Variants in ZNRF3 observed in about 807,000 individuals in gnomAD.
The protein encoded by ZNRF3 is E3 ubiquitin-protein ligase ZNRF3.
A neutral mutation model predicts 72.5 loss-of-function variants in ZNRF3; 23 were observed. The ratio of observed to expected loss-of-function variants is 0.32; its 90% CI spans 0.23 to 0.45. The LOEUF is 0.45. ZNRF3 is among the 20% of genes least tolerant of loss of function. The pLI is 1.00. For missense variants in ZNRF3, 1,169 were observed against 1,272.1 expected (o/e 0.92, Z 1.23); for synonymous variants, 610 against 545.3 (o/e 1.12, Z -1.65).
chr22:28,894,353 T>TG (rs397798611), intron 1 of ZNRF3, among the ~76,000 whole-genome samples: 2 of 151,574 alleles, frequency 1.3e-5, no homozygotes, highest in African/African-American at 4.9e-5. Context: ...TTTTTTTTTT[T>TG]GTCTGCCATA....
At chr22:29,000,126 G>C (rs952535971) in intron 2 of ZNRF3, among the ~76,000 whole-genome samples, 1 of 152,040 alleles carries the variant, frequency 6.6e-6, no homozygotes, top group African/African-American at 2.4e-5. Context: ...AATTCCTTTG[G>C]GGGTACTGAA....
At position 29,049,346 on chromosome 22, in the gene ZNRF3, T is replaced by C; in HGVS notation, c.1165T>C (p.Ser389Pro). The C allele has an allele frequency of 6.2e-7, 1 of 1,613,640 alleles. No individual in the cohort carries two copies. The highest frequency in any genetic ancestry group is 1.3e-5 in the African/African-American group (1 of 74,980). Reference protein sequence around the residue: ...PAYPTRTSMDSHGNPVTLLTM... With the variant: ...PAYPTRTSMDPHGNPVTLLTM... The stretch of plus-strand genomic sequence containing the variant: ...CTACCCTACGAGGACAAGCATGGAC[T>C]CCCACGGCAACCCCGTCACCTTGCT... The change falls in exon 8 of 9, where the codon TCC (serine) becomes CCC (proline). Residue 389 changes from serine (S) to proline (P), a missense_variant. This residue lies in a region of ZNRF3 where 386 missense variants were observed against 540.7 expected (regional missense o/e 0.71). Transcript: ENST00000544604. The surrounding 1 kb of genome is among the most constrained non-coding windows in gnomAD (Gnocchi z 5.2).
chr22:28,985,796 T>C (rs1354717821), intron 1 of ZNRF3, among the ~76,000 whole-genome samples: 4 of 152,222 alleles, frequency 2.6e-5, no homozygotes, highest in Admixed American at 1.3e-4. Context: ...CTGTAACAAG[T>C]TTCTACAAAC....
chr22:28,967,734 C>T (rs1441304571), intron 1 of ZNRF3, among the ~76,000 whole-genome samples: 1 of 151,644 alleles, frequency 6.6e-6, no homozygotes, highest in Non-Finnish European at 1.5e-5. Context: ...CAAGACCAGC[C>T]TAGACAACAT....
intron 2 of ZNRF3, among the ~76,000 whole-genome samples, chr22:29,019,140 C>T (rs1426224689): frequency 6.6e-6 from 1 of 151,990 alleles, no homozygotes; most frequent in Non-Finnish European, 1.5e-5. Flanking sequence ...CATGAACACC[C>T]ATGAACTATT....
At chr22:29,007,212 G>A (rs536322134) in intron 2 of ZNRF3, among the ~76,000 whole-genome samples, 163 of 152,182 alleles carry the variant, frequency 1.1e-3, no homozygotes, top group Non-Finnish European at 1.5e-3. Context: ...TCTTCACAGG[G>A]GTACCTACCA....
intron 1 of ZNRF3, among the ~76,000 whole-genome samples, chr22:28,910,863 G>C (rs2034304082): frequency 6.6e-6 from 1 of 152,200 alleles, no homozygotes. Context: ...TATGGGGAAG[G>C]CATTTCTTGC....
intron 2 of ZNRF3, among the ~76,000 whole-genome samples, chr22:29,020,006 C>T (rs1244764754): frequency 6.6e-6 from 1 of 151,562 alleles, no homozygotes; most frequent in Non-Finnish European, 1.5e-5. Context: ...GGTTGCAAGA[C>T]CTCCCCCCCA....
chr22:28,954,421 T>C (rs2035219404), intron 1 of ZNRF3, among the ~76,000 whole-genome samples: 1 of 152,140 alleles, frequency 6.6e-6, no homozygotes, highest in South Asian at 2.1e-4. Flanking sequence ...CAGGACCTTA[T>C]CTAATCTTAA....
intron 2 of ZNRF3, among the ~76,000 whole-genome samples, chr22:29,036,287 A>G (rs756603079): frequency 6.6e-6 from 1 of 152,236 alleles, no homozygotes; most frequent in Non-Finnish European, 1.5e-5. Flanking sequence ...ACCCTAAGAT[A>G]TTAGAGCTCA....
At chr22:29,012,698 A>T (rs1344969898) in intron 2 of ZNRF3, among the ~76,000 whole-genome samples, 1 of 152,182 alleles carries the variant, frequency 6.6e-6, no homozygotes, top group African/African-American at 2.4e-5. Flanking sequence ...TTACTACAGG[A>T]TGCTTGTGTC....
intron 2 of ZNRF3, among the ~76,000 whole-genome samples, chr22:28,995,414 C>T (rs569780839): frequency 2.0e-5 from 3 of 151,964 alleles, no homozygotes; most frequent in Admixed American, 6.5e-5. Flanking sequence ...GGCGACAGAG[C>T]GAGAATCCAT....
intron 1 of ZNRF3, among the ~76,000 whole-genome samples, chr22:28,944,509 C>A (rs369139585): frequency 6.6e-6 from 1 of 151,206 alleles, no homozygotes; most frequent in African/African-American, 2.4e-5. Flanking sequence ...AATCCCAGCA[C>A]TCTGGGAGGC....
chr22:28,979,075 C>A (rs1300314374), intron 1 of ZNRF3, among the ~76,000 whole-genome samples: 1 of 152,158 alleles, frequency 6.6e-6, no homozygotes, highest in African/African-American at 2.4e-5. Flanking sequence ...TCAGTACCAT[C>A]TAACCCACTG....
rs1256883110 is a variant in ZNRF3, at chr22:28,883,845, C to A, written c.79C>A (p.Arg27=). The A allele has an allele frequency of 3.1e-6, 3 of 982,770 alleles. No individual in the cohort carries two copies. In the African/African-American group the frequency reaches 5.3e-5, roughly 17 times the overall value. The allele number at this position is 982,770 out of a possible 1,614,324, so 60.9% of individuals were successfully genotyped here. ...RRLRRRPRGL[R]CSRLPPPPPL... ...CCTGCGCCGCCGCCCCCGCGGCCTCCGGTGCAGCCGCCTGCCGCCGCCGCC... is the reference window on the plus strand; with the variant it reads ...CCTGCGCCGCCGCCCCCGCGGCCTCAGGTGCAGCCGCCTGCCGCCGCCGCC... Residue 27 remains arginine, a synonymous_variant, in exon 1 of 9, where the codon CGG becomes AGG. Transcript: ENST00000544604. This position sits in a 1 kb window ranked among gnomAD's most constrained non-coding sequence, Gnocchi z 5.5.
intron 1 of ZNRF3, among the ~76,000 whole-genome samples, chr22:28,946,350 C>T (rs561767951): frequency 6.6e-6 from 1 of 152,142 alleles, no homozygotes; most frequent in African/African-American, 2.4e-5. Flanking sequence ...AAATTAAAGC[C>T]CCCTTTTTTC....
chr22:29,035,959 A>G (rs1358635731), intron 2 of ZNRF3, among the ~76,000 whole-genome samples: 2 of 152,094 alleles, frequency 1.3e-5, no homozygotes, highest in Non-Finnish European at 2.9e-5. Context: ...CTCCCTCCTC[A>G]GCCTCCCAAG....
intron 1 of ZNRF3, among the ~76,000 whole-genome samples, chr22:28,887,311 G>C (rs1330349275): frequency 6.7e-6 from 1 of 150,144 alleles, no homozygotes; most frequent in Admixed American, 6.7e-5. Flanking sequence ...TCATAGTCTG[G>C]TTTGCCTAGA....
At chr22:29,051,076 A>G (rs929450428) in intron 8 of ZNRF3, 128 bp downstream of exon 8, 2 of 1,088,726 alleles carry the variant, frequency 1.8e-6, no homozygotes, top group African/African-American at 3.2e-5. Context: ...GAGGCTGAAG[A>G]CTTCCAAGGG....
Sources: gnomAD v4.1 joint callset for allele counts (sites outside exome capture counted in the v4.1 genomes callset) on GRCh38, gnomAD v4.1.1 for gene constraint, gnomAD v4.1.1 regional missense constraint, Gnocchi (gnomAD v3.1) non-coding constraint, MANE v1.5 for transcripts, NCBI Gene and HGNC (gene_info 2026-07-23, HGNC 2026-07-21) for gene names.